Variants in CDH18 observed in about 807,000 individuals in gnomAD.
CDH18 encodes the protein cadherin-18.
CDH18 carries 31 observed loss-of-function variants against 67.9 expected under a neutral mutation model. The ratio of observed to expected loss-of-function variants is 0.46; its 90% CI spans 0.34 to 0.62. The LOEUF (loss-of-function observed/expected upper bound fraction) is 0.62, where lower values mean the gene tolerates loss of function less well. Ranked by LOEUF, CDH18 falls within the 20% of genes least tolerant of loss-of-function variation. The pLI is 0.01. For missense variants in CDH18, 890 were observed against 975.5 expected, an observed-to-expected ratio of 0.91 and a Z score of 1.17; for synonymous variants, 362 against 347.2, an observed-to-expected ratio of 1.04 and a Z score of -0.48.
intron 2 of CDH18, among the ~76,000 whole-genome samples, chr5:20,094,645 G>C (rs1169615783): frequency 6.6e-6 from 1 of 152,042 alleles, no homozygotes; most frequent in Non-Finnish European, 1.5e-5. Flanking sequence ...TCCTTGAACA[G>C]TGGTTTGTAG....
intron 1 of CDH18, among the ~76,000 whole-genome samples, chr5:20,358,586 T>A (rs1741822518): frequency 6.6e-6 from 1 of 152,158 alleles, no homozygotes; most frequent in Non-Finnish European, 1.5e-5. Flanking sequence ...GCAATACCAC[T>A]TACAGGGTTA....
intron 1 of CDH18, among the ~76,000 whole-genome samples, chr5:20,318,686 C>G (rs1162016836): frequency 6.6e-6 from 1 of 152,030 alleles, no homozygotes; most frequent in African/African-American, 2.4e-5. Context: ...CCCCAGAAGC[C>G]AAGCAGATGG....
intron 8 of CDH18, among the ~76,000 whole-genome samples, chr5:19,564,476 C>T (rs1184379069): frequency 6.6e-6 from 1 of 152,148 alleles, no homozygotes; most frequent in African/African-American, 2.4e-5. Context: ...CAGAAGGGAA[C>T]CTGCTGCCTT....
intron 10 of CDH18, among the ~76,000 whole-genome samples, chr5:19,507,735 TCA>T (rs1744436955): frequency 6.6e-6 from 1 of 152,088 alleles, no homozygotes; most frequent in Non-Finnish European, 1.5e-5. Flanking sequence ...AAGGGGAACT[TCA>T]CACACTGGGG....
intron 1 of CDH18, among the ~76,000 whole-genome samples, chr5:20,547,744 A>C (rs1757420560): frequency 6.6e-6 from 1 of 152,148 alleles, no homozygotes; most frequent in Non-Finnish European, 1.5e-5. Context: ...TGCTACAAAG[A>C]TTCACTAAAC....
At chr5:20,172,218 ATATATGTATATATATATATATG>A (rs1256030373) in intron 2 of CDH18, among the ~76,000 whole-genome samples, 1 of 80,722 alleles carries the variant, frequency 1.2e-5, no homozygotes, top group African/African-American at 5.9e-5. Flanking sequence ...ATATATATAT[ATATATGTATATATATATATATG>A]TATATATATA....
chr5:20,322,716 A>G lies in CDH18; in HGVS notation c.-579-67211T>C, dbSNP rs573980993. Among the ~76,000 whole-genome samples the G allele has an allele frequency of 2.0e-5, 3 of 152,268 alleles. No homozygotes were observed. In the East Asian group the frequency reaches 5.8e-4, roughly 29 times the overall value. On this transcript the variant is annotated intron_variant, in intron 1 of 14. Coordinates refer to the CDH18 transcript ENST00000507958. ...CTGAAGCTGCAAGAAAAAAAATATA[A>G]TTCTTCAAAGAAGACAATGAATGAC...
intron 2 of CDH18, among the ~76,000 whole-genome samples, chr5:20,089,821 T>C (rs888191096): frequency 5.3e-5 from 8 of 152,198 alleles, no homozygotes; most frequent in African/African-American, 1.9e-4. Flanking sequence ...TTGTGTTATT[T>C]TTATTTCAAA....
chr5:20,385,000 C>T (rs949727103), intron 1 of CDH18, among the ~76,000 whole-genome samples: 13 of 151,928 alleles, frequency 8.6e-5, no homozygotes, highest in African/African-American at 2.9e-4. Flanking sequence ...CCATGCCCCG[C>T]TAATTTTTGT....
intron 2 of CDH18, among the ~76,000 whole-genome samples, chr5:19,890,273 C>T (rs1264715334): frequency 1.3e-5 from 2 of 152,106 alleles, no homozygotes; most frequent in Admixed American, 1.3e-4. Flanking sequence ...TCACATCTCT[C>T]TCTGTTTTAC....
rs141236525 is a variant in CDH18 at position 20,368,717 on chromosome 5, T to C, written c.-579-113212A>G. ...TGGCACAAAAAGCAAAGCATGAGCA[T>C]GCAGTACTGGCATTAGAGCACACAA... On this transcript the variant is annotated intron_variant, in intron 1 of 14. Coordinates refer to the CDH18 transcript ENST00000507958. 1.4e-3 allele frequency among the ~76,000 whole-genome samples: 219 copies of C among 152,254 alleles called. 4 individuals carry two copies. The South Asian group carries it at 0.042, about 29-fold the overall frequency.
chr5:20,124,669 G>A (rs931713115), intron 2 of CDH18, among the ~76,000 whole-genome samples: 2 of 152,058 alleles, frequency 1.3e-5, no homozygotes, highest in Non-Finnish European at 2.9e-5. Context: ...TTGTGTTTTC[G>A]TCCAAGTACG....
chr5:19,806,710 G>T (rs2149874633), intron 3 of CDH18, among the ~76,000 whole-genome samples: 1 of 152,160 alleles, frequency 6.6e-6, no homozygotes, highest in Admixed American at 6.5e-5. Context: ...AGCAAACTTT[G>T]CTCTGCTACC....
chr5:19,725,254 C>A (rs1766679696), intron 4 of CDH18, among the ~76,000 whole-genome samples: 1 of 152,136 alleles, frequency 6.6e-6, no homozygotes, highest in African/African-American at 2.4e-5. Context: ...TGTGATGGCA[C>A]AACACTTGAT....
At chr5:19,947,549 T>C (rs1483853617) in intron 2 of CDH18, among the ~76,000 whole-genome samples, 3 of 128,100 alleles carry the variant, frequency 2.3e-5, no homozygotes, top group South Asian at 2.6e-4. Flanking sequence ...GCAATCAGCC[T>C]GGGCAATATG....
At chr5:19,943,897 GT>G (rs962130936) in intron 2 of CDH18, among the ~76,000 whole-genome samples, 2 of 151,966 alleles carry the variant, frequency 1.3e-5, no homozygotes, top group Admixed American at 1.3e-4. Flanking sequence ...AATATAAGCA[GT>G]TTTTTTCTAA....
chr5:20,516,254 A>G (rs1297064860), intron 1 of CDH18, among the ~76,000 whole-genome samples: 3 of 152,000 alleles, frequency 2.0e-5, no homozygotes, highest in Non-Finnish European at 2.9e-5. Flanking sequence ...TTTCTTTAAC[A>G]CATTAATTCA....
intron 2 of CDH18, among the ~76,000 whole-genome samples, chr5:20,173,604 T>C (rs1007743698): frequency 2.6e-5 from 4 of 152,100 alleles, no homozygotes; most frequent in Non-Finnish European, 4.4e-5. Flanking sequence ...CAGATTTGCA[T>C]TTAAAAATAT....
chr5:20,024,030 T>C (rs142592861), intron 2 of CDH18, among the ~76,000 whole-genome samples: 2 of 152,164 alleles, frequency 1.3e-5, no homozygotes, highest in Non-Finnish European at 2.9e-5. Flanking sequence ...GTACAAGGAG[T>C]AGAGCTAATT....
Sources: gnomAD v4.1 joint callset for allele counts (sites outside exome capture counted in the v4.1 genomes callset) on GRCh38, gnomAD v4.1.1 for gene constraint, MANE v1.5 for transcripts, NCBI Gene and HGNC (gene_info 2026-07-23, HGNC 2026-07-21) for gene names.